Variants in UTRN observed in about 807,000 individuals in gnomAD.
UTRN encodes dystrophin-related protein 1.
In UTRN, 283 loss-of-function variants were observed where a neutral mutation model predicts 463.9. The observed-to-expected ratio is 0.61, with a 90% CI of 0.55 to 0.67. UTRN has a LOEUF of 0.67. UTRN is among the 30% of genes least tolerant of loss of function. The probability of loss-of-function intolerance (pLI) is 0.00; values close to 1 mark genes in which losing one functional copy is unlikely to be tolerated. For missense variants in UTRN, 3,922 were observed against 4,084.3 expected (o/e 0.96, Z 1.08); for synonymous variants, 1,442 against 1,431.5 (o/e 1.01, Z -0.17).
chr6:144,611,559 C>G (rs569666002), intron 51 of UTRN, among the ~76,000 whole-genome samples: 1 of 152,106 alleles, frequency 6.6e-6, no homozygotes, highest in East Asian at 1.9e-4. Context: ...TTTCATATAC[C>G]TATGACAAAT....
At chr6:144,339,822 C>CT (rs1361455816) in intron 2 of UTRN, among the ~76,000 whole-genome samples, 1 of 152,122 alleles carries the variant, frequency 6.6e-6, no homozygotes, top group African/African-American at 2.4e-5. Flanking sequence ...GTAAGATTAT[C>CT]TTTTTATATT....
intron 66 of UTRN, among the ~76,000 whole-genome samples, chr6:144,824,567 TTTATTTATATATATATATATA>T (rs1394106643): frequency 1.6e-5 from 1 of 63,152 alleles, no homozygotes; most frequent in East Asian, 8.9e-4. Context: ...AATATAGCAT[TTTATTTATATATATATATATA>T]TATATATATA....
intron 6 of UTRN, among the ~76,000 whole-genome samples, chr6:144,425,733 G>GT (rs1214256083): frequency 6.6e-6 from 1 of 152,074 alleles, no homozygotes; most frequent in East Asian, 1.9e-4. Flanking sequence ...GATTTGGCCA[G>GT]TGTGAGCCCC....
intron 52 of UTRN, among the ~76,000 whole-genome samples, chr6:144,698,034 A>C (rs1205232388): frequency 3.9e-5 from 6 of 152,206 alleles, no homozygotes. Flanking sequence ...TTGATTGAGG[A>C]CATCTGATTT....
In UTRN at chr6:144,542,860, A is replaced by C; in HGVS notation, c.6585A>C (p.Thr2195=). The C allele has an allele frequency of 6.2e-7, 1 of 1,612,892 alleles. No homozygotes were observed. The highest frequency in any genetic ancestry group is 1.7e-5 in the Admixed American group (1 of 59,834). ...AGGAGCCCAGTTCTGTTTCACAGAC[A>C]AGGATTGCTGGTAAGATATGTTTAT... The part of the protein sequence containing the change: ...CIQEPSSVSQ[T]RIAAHPNVQK... The change falls in exon 46 of 75, where the codon ACA becomes ACC. Residue 2195 remains threonine (T), a synonymous_variant. Transcript: ENST00000367545.
intron 61 of UTRN, among the ~76,000 whole-genome samples, chr6:144,788,656 G>A (rs556193340): frequency 6.7e-6 from 1 of 149,852 alleles, no homozygotes; most frequent in East Asian, 2.0e-4. Flanking sequence ...TCTCCGCCTC[G>A]CAAGTTCAAG....
intron 51 of UTRN, among the ~76,000 whole-genome samples, chr6:144,674,681 C>T (rs1295665734): frequency 6.6e-6 from 1 of 152,130 alleles, no homozygotes; most frequent in Non-Finnish European, 1.5e-5. Flanking sequence ...TTCAGTCTCC[C>T]AAGTAGCTGG....
intron 65 of UTRN, among the ~76,000 whole-genome samples, chr6:144,811,674 T>C (rs1778624518): frequency 6.6e-6 from 1 of 152,082 alleles, no homozygotes; most frequent in African/African-American, 2.4e-5. Context: ...CATTCAAATG[T>C]GTCTGAATTT....
intron 62 of UTRN, 131 bp downstream of exon 62, chr6:144,789,410 C>A: frequency 1.3e-6 from 1 of 740,792 alleles, no homozygotes. Context: ...CTTACTGTGC[C>A]TATACCAAGT....
intron 53 of UTRN, among the ~76,000 whole-genome samples, chr6:144,709,676 A>G (rs1215534786): frequency 6.6e-6 from 1 of 152,228 alleles, no homozygotes; most frequent in East Asian, 1.9e-4. Context: ...CTGCTAATTT[A>G]AGATGTCTAA....
At chr6:144,602,523 A>G (rs1585507058) in intron 51 of UTRN, among the ~76,000 whole-genome samples, 2 of 152,336 alleles carry the variant, frequency 1.3e-5, no homozygotes, top group East Asian at 1.9e-4. Flanking sequence ...ATTGTAAGCT[A>G]TGCATACATT....
intron 18 of UTRN, among the ~76,000 whole-genome samples, chr6:144,452,705 CAGG>C (rs1460483346): frequency 6.6e-6 from 1 of 151,418 alleles, no homozygotes; most frequent in African/African-American, 2.4e-5. Flanking sequence ...CAGCACAAGG[CAGG>C]AGGATTGCTT....
At chr6:144,609,192 CT>C (rs1805208483) in intron 51 of UTRN, among the ~76,000 whole-genome samples, 1 of 152,072 alleles carries the variant, frequency 6.6e-6, no homozygotes, top group Non-Finnish European at 1.5e-5. Flanking sequence ...CACATGTTGC[CT>C]AGTAGAGACT....
intron 50 of UTRN, among the ~76,000 whole-genome samples, chr6:144,569,015 T>A (rs1800682697): frequency 6.6e-6 from 1 of 152,192 alleles, no homozygotes; most frequent in East Asian, 1.9e-4. Flanking sequence ...ATTTCAGTGA[T>A]TTTATTGACT....
chr6:144,741,619 G>A (rs1411488619), intron 54 of UTRN, among the ~76,000 whole-genome samples: 2 of 152,008 alleles, frequency 1.3e-5, no homozygotes, highest in East Asian at 3.9e-4. Flanking sequence ...ATCTGTTGAT[G>A]TCCAGCCCAA....
At chr6:144,287,255 T>A (rs1056422344) in intron 1 of UTRN, among the ~76,000 whole-genome samples, 8 of 152,174 alleles carry the variant, frequency 5.3e-5, no homozygotes, top group African/African-American at 1.9e-4. Context: ...CCAGCCTTTA[T>A]GGGACCGATG....
At chr6:144,622,835 C>T (rs1193648385) in intron 51 of UTRN, among the ~76,000 whole-genome samples, 1 of 152,190 alleles carries the variant, frequency 6.6e-6, no homozygotes, top group Non-Finnish European at 1.5e-5. Context: ...GTGACTGTCA[C>T]TCTCGTATTG....
intron 58 of UTRN, among the ~76,000 whole-genome samples, chr6:144,762,824 T>C (rs1279330106): frequency 1.3e-5 from 2 of 152,208 alleles, no homozygotes; most frequent in Non-Finnish European, 2.9e-5. Flanking sequence ...ACACAGATGG[T>C]TCTCTATACA....
rs560902019 is a variant in UTRN, at chr6:144,660,702, G to A, written c.7480-17704G>A. Among the ~76,000 whole-genome samples the A allele has an allele frequency of 4.6e-5, 7 of 152,290 alleles. No individual in the cohort carries two copies. In the East Asian group the frequency reaches 5.8e-4, roughly 13 times the overall value. On this transcript the variant is annotated intron_variant, in intron 51 of 74. Coordinates refer to ENST00000367545, the MANE Select transcript of UTRN (RefSeq NM_007124.3). The stretch of plus-strand genomic sequence containing the variant: ...TTTATCTGTCCAGCCACTGCCTGCC[G>A]TGCACTGCCCTGTACAGCCCTCTGC...
Sources: allele counts gnomAD v4.1 joint callset (sites outside exome capture counted in the v4.1 genomes callset), GRCh38; gene constraint gnomAD v4.1.1; transcripts MANE v1.5; gene names NCBI Gene and HGNC (gene_info 2026-07-23, HGNC 2026-07-21).